The following DCLK1 variants were observed in gnomAD, a reference collection of about 807,000 sequenced individuals.
DCLK1 encodes serine/threonine-protein kinase DCLK1.
In DCLK1, 16 loss-of-function variants were observed where a neutral mutation model predicts 86.2. The ratio of observed to expected loss-of-function variants is 0.19; its 90% CI spans 0.13 to 0.28. The LOEUF (loss-of-function observed/expected upper bound fraction) is 0.28, where lower values mean the gene tolerates loss of function less well. Among genes scored for constraint, DCLK1 ranks in the 10% least tolerant of loss-of-function variants. DCLK1 has a pLI of 1.00. For missense variants in DCLK1, 590 were observed against 940.2 expected (o/e 0.63, Z 4.87); for synonymous variants, 369 against 370.5 (o/e 1.00, Z 0.05).
chr13:36,053,342 A>T (rs1883191253), intron 3 of DCLK1, among the ~76,000 whole-genome samples: 2 of 152,154 alleles, frequency 1.3e-5, no homozygotes, highest in African/African-American at 2.4e-5. Flanking sequence ...GATTATCATC[A>T]CAGAGAAAGA....
Position 35,839,082 on chromosome 13 carries a change from A to T in DCLK1, c.1120+10T>A. 6.3e-7 allele frequency: 1 copy of T among 1,592,778 alleles called. No homozygotes were observed. The highest frequency in any genetic ancestry group is 8.6e-7 in the Non-Finnish European group (1 of 1,169,556). On this transcript the variant is annotated intron_variant, in intron 7 of 16. Coordinates refer to ENST00000360631, the MANE Select transcript of DCLK1 (RefSeq NM_001330071.2). ...CTGCCTCCTCAGATACCAAGTCCCAAGCTCATCACCTTCTCCAGGGCCATC... is the reference window on the plus strand; with the variant it reads ...CTGCCTCCTCAGATACCAAGTCCCATGCTCATCACCTTCTCCAGGGCCATC...
intron 3 of DCLK1, among the ~76,000 whole-genome samples, chr13:35,977,206 G>A (rs1301438056): frequency 6.6e-6 from 1 of 152,152 alleles, no homozygotes; most frequent in African/African-American, 2.4e-5. Context: ...ATGCATATCA[G>A]GAAGCTGAAT....
chr13:36,077,410 C>G (rs1884251436), intron 3 of DCLK1, among the ~76,000 whole-genome samples: 1 of 152,128 alleles, frequency 6.6e-6, no homozygotes, highest in South Asian at 2.1e-4. Context: ...TTGCCAGCAT[C>G]CCCCTGGAAA....
At chr13:36,087,716 C>G (rs1380975435) in intron 3 of DCLK1, among the ~76,000 whole-genome samples, 1 of 152,014 alleles carries the variant, frequency 6.6e-6, no homozygotes, top group African/African-American at 2.4e-5. Flanking sequence ...CCTCTCCACT[C>G]TCTTCTAACA....
At chr13:35,991,314 C>T (rs1201785933) in intron 3 of DCLK1, among the ~76,000 whole-genome samples, 2 of 152,098 alleles carry the variant, frequency 1.3e-5, no homozygotes, top group East Asian at 1.9e-4. Flanking sequence ...CATAGAAACA[C>T]AGAAGTTTAA....
intron 2 of DCLK1, among the ~76,000 whole-genome samples, chr13:36,124,613 A>C (rs1886105250): frequency 6.6e-6 from 1 of 152,202 alleles, no homozygotes; most frequent in African/African-American, 2.4e-5. Flanking sequence ...CCCCAACTCC[A>C]ACGGGGCTGC....
chr13:36,045,456 TA>T (rs1882876386), intron 3 of DCLK1, among the ~76,000 whole-genome samples: 1 of 149,530 alleles, frequency 6.7e-6, no homozygotes, highest in Admixed American at 6.7e-5. Context: ...AAGAAGCTTT[TA>T]AGAATCAAAA....
At chr13:36,049,301 A>G (rs1016232626) in intron 3 of DCLK1, among the ~76,000 whole-genome samples, 9 of 152,170 alleles carry the variant, frequency 5.9e-5, no homozygotes, top group Admixed American at 3.3e-4. Flanking sequence ...GATTTTTGCT[A>G]AGAATGTGTC....
intron 6 of DCLK1, chr13:35,850,164 T>G: frequency 2.0e-6 from 2 of 985,262 alleles, no homozygotes; most frequent in Non-Finnish European, 2.4e-6. Context: ...AAGTAGCTTT[T>G]TCTACTGTCT....
At chr13:35,846,235 C>T (rs1035368445) in intron 6 of DCLK1, 5 of 984,136 alleles carry the variant, frequency 5.1e-6, no homozygotes, top group East Asian at 1.1e-4. Context: ...TTTATAAAAA[C>T]GTTATCCAAA....
At chr13:36,128,920 T>C (rs1886277524) in intron 1 of DCLK1, among the ~76,000 whole-genome samples, 1 of 152,224 alleles carries the variant, frequency 6.6e-6, no homozygotes, top group African/African-American at 2.4e-5. Context: ...GGTTTTAAAG[T>C]GAGCTCTCTT....
intron 16 of DCLK1, among the ~76,000 whole-genome samples, chr13:35,783,683 C>T (rs1238832812): frequency 6.6e-6 from 1 of 152,014 alleles, no homozygotes; most frequent in African/African-American, 2.4e-5. Flanking sequence ...CTCCCGGGCC[C>T]AAATGATTCT....
intron 3 of DCLK1, among the ~76,000 whole-genome samples, chr13:36,062,747 A>C (rs1883596927): frequency 1.3e-5 from 2 of 152,210 alleles, no homozygotes; most frequent in African/African-American, 4.8e-5. Flanking sequence ...AGAACTGACC[A>C]CGGATAGGCG....
At chr13:35,849,290 CA>C in intron 6 of DCLK1, 5 of 985,140 alleles carry the variant, frequency 5.1e-6, no homozygotes, top group Non-Finnish European at 6.0e-6. Context: ...ACATTTAAAA[CA>C]GCGTGTGACA....
chr13:35,861,310 G>A (rs533626698), intron 5 of DCLK1, among the ~76,000 whole-genome samples: 2 of 152,154 alleles, frequency 1.3e-5, no homozygotes, highest in Non-Finnish European at 2.9e-5. Flanking sequence ...GAAATTTTTG[G>A]ATCTGATCCC....
intron 5 of DCLK1, among the ~76,000 whole-genome samples, chr13:35,865,794 G>A (rs191783738): frequency 6.6e-6 from 1 of 152,282 alleles, no homozygotes; most frequent in African/African-American, 2.4e-5. Context: ...GACTTACAGA[G>A]GATTCCCATT....
chr13:35,959,796 C>A (rs981617829), intron 3 of DCLK1, among the ~76,000 whole-genome samples: 1 of 151,688 alleles, frequency 6.6e-6, no homozygotes, highest in African/African-American at 2.4e-5. Context: ...GGGTAGGGCA[C>A]AATCAAGACC....
chr13:35,909,763 G>A (rs2104517), intron 4 of DCLK1, among the ~76,000 whole-genome samples: 11,939 of 151,940 alleles, frequency 0.079, 569 homozygotes, highest in South Asian at 0.15. Context: ...CAGGGGACAA[G>A]GAGGCATTTT....
intron 1 of DCLK1, among the ~76,000 whole-genome samples, chr13:36,128,863 AT>A (rs899721752): frequency 6.6e-6 from 1 of 152,106 alleles, no homozygotes; most frequent in African/African-American, 2.4e-5. Context: ...AACAGAACCA[AT>A]TTTTGTCCAG....
Sources: gnomAD v4.1 joint callset for allele counts (sites outside exome capture counted in the v4.1 genomes callset) on GRCh38, gnomAD v4.1.1 for gene constraint, MANE v1.5 for transcripts, NCBI Gene and HGNC (gene_info 2026-07-23, HGNC 2026-07-21) for gene names.